CMPK2: variants seen among roughly 807,000 people sequenced by gnomAD.
CMPK2 encodes UMP-CMP kinase 2, mitochondrial.
Under a neutral mutation model 33.4 loss-of-function variants are expected in CMPK2, and 32 were observed. The observed-to-expected ratio is 0.96, with a 90% CI of 0.72 to 1.29. The LOEUF is 1.29. Ranked by LOEUF, CMPK2 falls within the 50% of genes most tolerant of loss-of-function variation. The pLI is 0.00. For synonymous variants in CMPK2, 299 were observed against 275.3 expected (o/e 1.09, Z -0.85); for missense variants, 672 against 616.0 (o/e 1.09, Z -0.96).
downstream of CMPK2, among the ~76,000 whole-genome samples, chr2:6,844,004 G>A (rs1395272225): frequency 2.0e-5 from 3 of 152,186 alleles, no homozygotes; most frequent in African/African-American, 7.2e-5. Flanking sequence ...TGGGAGACTG[G>A]CTCTGGACCT....
Position 6,848,462 on chromosome 2 carries a change from A to G in CMPK2, c.*1388T>C, listed in dbSNP as rs1011394602. Reference sequence around the variant, plus strand: ...AATACAGCTAGATACCACATTGCAAAGAACCCTAATGCTATTTATCAGCTT... The same window carrying G: ...AATACAGCTAGATACCACATTGCAAGGAACCCTAATGCTATTTATCAGCTT... On this transcript the variant is annotated 3_prime_UTR_variant, in exon 5 of 5. Transcript: ENST00000256722. 11 of 980,470 alleles carry G rather than the reference A, an allele frequency of 1.1e-5. No individual in the cohort carries two copies. The highest frequency in any genetic ancestry group is 1.3e-5 in the Non-Finnish European group (11 of 825,390). The allele number at this position is 980,470 out of a possible 1,614,324, so 60.7% of individuals were successfully genotyped here.
Position 6,849,533 on chromosome 2 carries a change from T to C in CMPK2, c.*317A>G, listed in dbSNP as rs1362582919. The C allele has an allele frequency of 9.2e-7, 1 of 1,089,480 alleles. No individual in the cohort carries two copies. The highest frequency in any genetic ancestry group is 1.1e-6 in the Non-Finnish European group (1 of 896,126). The allele number at this position is 1,089,480 out of a possible 1,614,324, so 67.5% of individuals were successfully genotyped here. A position where few individuals can be genotyped will look rare whatever the true frequency, so the allele number is the denominator to read the frequency against. On this transcript the variant is annotated 3_prime_UTR_variant, in exon 5 of 5. Coordinates refer to ENST00000256722, the MANE Select transcript of CMPK2 (RefSeq NM_207315.4). ...TGCTGCTTCTGTACACCTGGTGCTG[T>C]CTGAGTAAGACAGGTCTTCCAGATA...
intron 4 of CMPK2, 75 bp from the exon 5 acceptor site, chr2:6,850,048 A>G: frequency 8.8e-7 from 1 of 1,131,822 alleles, no homozygotes; most frequent in Non-Finnish European, 1.3e-6. Flanking sequence ...TTTTCCTACC[A>G]TAGTATAAAT....
intron 3 of CMPK2, among the ~76,000 whole-genome samples, chr2:6,852,605 A>C (rs913854866): frequency 3.3e-5 from 5 of 152,228 alleles, no homozygotes; most frequent in Non-Finnish European, 5.9e-5. Flanking sequence ...TGCAAATCAG[A>C]ACTACTTGTT....
chr2:6,855,320 T>TCTGCCCCTGCCCCTGCCC (rs754999091), intron 3 of CMPK2, among the ~76,000 whole-genome samples: 7 of 91,958 alleles, frequency 7.6e-5, no homozygotes, highest in African/African-American at 1.7e-4. Flanking sequence ...CGCCTCTGCC[T>TCTGCCCCTGCCCCTGCCC]CTGCCCCTGC....
intron 3 of CMPK2, chr2:6,840,729 T>C (rs1662209142): frequency 1.4e-6 from 1 of 699,640 alleles, no homozygotes; most frequent in Non-Finnish European, 2.6e-6. Context: ...CAAGTCTCCT[T>C]GGTAGAACAG....
Position 6,865,017 on chromosome 2 carries a change from C to T in CMPK2, c.675+5G>A. 7.0e-7 allele frequency: 1 copy of T among 1,420,126 alleles called. No individual in the cohort carries two copies. Among genetic ancestry groups the T allele is most frequent in the Non-Finnish European group, 9.2e-7 (1 of 1,084,704 alleles). 88.0% of individuals were successfully genotyped at this position (1,420,126 alleles called of 1,614,324 possible). A position where few individuals can be genotyped will look rare whatever the true frequency, so the allele number is the denominator to read the frequency against. ...CTGGGAGCTGGAAGCGGACAGAACT[C>T]TTACCTCCTCCAAAACGGCCCGGGC... is the stretch of plus-strand genomic sequence containing the variant. On this transcript the variant is annotated splice_donor_5th_base_variant and intron_variant, in intron 1 of 4. Coordinates refer to ENST00000256722, the MANE Select transcript of CMPK2 (RefSeq NM_207315.4).
At chr2:6,846,574 T>G (rs1371798391), downstream of CMPK2, among the ~76,000 whole-genome samples, 1 of 152,174 alleles carries the variant, frequency 6.6e-6, no homozygotes, top group Non-Finnish European at 1.5e-5. Flanking sequence ...GTTGGAGACA[T>G]GATAGCCACA....
chr2:6,856,007 T>C (rs951921309), intron 3 of CMPK2, among the ~76,000 whole-genome samples: 3 of 152,194 alleles, frequency 2.0e-5, no homozygotes, highest in East Asian at 3.8e-4. Context: ...CTGGTAATAC[T>C]AATGTCAACA....
chr2:6,855,325 C>T (rs1470356431), intron 3 of CMPK2, among the ~76,000 whole-genome samples: 3 of 135,454 alleles, frequency 2.2e-5, no homozygotes, highest in Non-Finnish European at 3.4e-5. Flanking sequence ...CTGCCTCTGC[C>T]CCTGCCCCTG....
Position 6,865,442 on chromosome 2 carries a change from G to A in CMPK2, c.255C>T (p.Cys85=), listed in dbSNP as rs895350692. 3.0e-4 allele frequency: 389 copies of A among 1,281,934 alleles called. 2 individuals are homozygous for A. The African/African-American group carries it at 5.5e-3, about 18-fold the overall frequency. The allele number at this position is 1,281,934 out of a possible 1,614,324, so 79.4% of individuals were successfully genotyped here. Residue 85 remains cysteine (C), a synonymous_variant, in exon 1 of 5, where the codon TGC becomes TGT. Coordinates refer to ENST00000256722, the MANE Select transcript of CMPK2 (RefSeq NM_207315.4). ...GCCGCGCCGCCCGGACCCGGGCCCCGCAGCCGGCGTCCGGGGTCACGGGCA... is the reference window on the plus strand; with the variant it reads ...GCCGCGCCGCCCGGACCCGGGCCCCACAGCCGGCGTCCGGGGTCACGGGCA... ...LCVPVTPDAG[C]GARVRAARLH...
chr2:6,858,580 T>C (rs770222793), intron 3 of CMPK2, among the ~76,000 whole-genome samples: 1 of 152,184 alleles, frequency 6.6e-6, no homozygotes, highest in Non-Finnish European at 1.5e-5. Flanking sequence ...GTTCTCATGA[T>C]AGTGACTAAG....
rs929606662 is a variant in CMPK2 at position 6,865,380 on chromosome 2, G to C, written c.317C>G (p.Pro106Arg). 7.3e-7 allele frequency: 1 copy of C among 1,378,602 alleles called. No homozygotes were observed. The highest frequency in any genetic ancestry group is 1.5e-5 in the African/African-American group (1 of 65,684). 85.4% of individuals were successfully genotyped at this position (1,378,602 alleles called of 1,614,324 possible). ...CCTGAGCAGCTGGCACCGCTGGAAGGGGCCGCGGCGCAGCTGGTGCAGCAG... is the reference window on the plus strand; with the variant it reads ...CCTGAGCAGCTGGCACCGCTGGAAGCGGCCGCGGCGCAGCTGGTGCAGCAG... ...QRLLHQLRRGPFQRCQLLRLL... is the reference protein window; with the variant it reads ...QRLLHQLRRGRFQRCQLLRLL... The change falls in exon 1 of 5, where the codon CCC becomes CGC. Residue 106 changes from proline (P) to arginine (R), a missense_variant. Transcript: ENST00000256722.
At position 6,865,351 on chromosome 2, in the gene CMPK2, G is replaced by C. The variant is rs1351162743; in HGVS notation, c.346C>G (p.Leu116Val). The change falls in exon 1 of 5, where the codon CTC (leucine) becomes GTC (valine). Residue 116 changes from leucine to valine, a missense_variant. Physicochemically the swap from Leu to Val is conservative, Grantham distance 32. Coordinates refer to ENST00000256722, the MANE Select transcript of CMPK2 (RefSeq NM_207315.4). ...GCCTGGCCGCCCGGGCAGTAGCAGAGCAGCCTGAGCAGCTGGCACCGCTGG... is the reference window on the plus strand; with the variant it reads ...GCCTGGCCGCCCGGGCAGTAGCAGACCAGCCTGAGCAGCTGGCACCGCTGG... ...PFQRCQLLRL[L>V]CYCPGGQAGG... is the part of the protein sequence containing the mutation. 6.9e-7 allele frequency: 1 copy of C among 1,450,546 alleles called. No homozygotes were observed. The highest frequency in any genetic ancestry group is 1.4e-5 in the South Asian group (1 of 72,592). The allele number at this position is 1,450,546 out of a possible 1,614,324, so 89.9% of individuals were successfully genotyped here.
chr2:6,850,884 G>A (rs1023371648), intron 4 of CMPK2: 6 of 991,596 alleles, frequency 6.1e-6, no homozygotes, highest in East Asian at 1.1e-4. Flanking sequence ...TTCTGCAGTC[G>A]TGTTTATAAC....
intron 3 of CMPK2, among the ~76,000 whole-genome samples, chr2:6,843,248 C>A (rs879925606): frequency 2.0e-5 from 3 of 152,108 alleles, no homozygotes; most frequent in Non-Finnish European, 4.4e-5. Flanking sequence ...ACACTGTGAA[C>A]CATTTATTTC....
At position 6,861,323 on chromosome 2, in the gene CMPK2, G is replaced by T. The variant is rs1474425992; in HGVS notation, c.853C>A (p.Pro285Thr). 1 of 1,614,114 alleles carries T rather than the reference G, an allele frequency of 6.2e-7. No homozygotes were observed. Among genetic ancestry groups the T allele is most frequent in the South Asian group, 1.1e-5 (1 of 91,070 alleles). ...TTCCTCCACTGGCCAATGCAAGAGGGTGGTGACTTTAAGAGGACAGCCTTA... is the reference window on the plus strand; with the variant it reads ...TTCCTCCACTGGCCAATGCAAGAGGTTGGTGACTTTAAGAGGACAGCCTTA... ...SLKAVLLKSP[P>T]SCIGQWRKIF... Residue 285 changes from proline to threonine, a missense_variant, in exon 3 of 5, where the codon CCC becomes ACC. Pro to Thr is a conservative substitution (Grantham distance 38). Transcript: ENST00000256722.
At chr2:6,840,652 T>C (rs1287222510) in exon 4 of CMPK2, 1 of 702,198 alleles carries the variant, frequency 1.4e-6, no homozygotes, top group African/African-American at 1.7e-5. Context: ...GAGAGAAGGA[T>C]GGTATAAGGT....
At chr2:6,850,030 T>C in intron 4 of CMPK2, 57 bp from the exon 5 acceptor site, 1 of 1,331,440 alleles carries the variant, frequency 7.5e-7, no homozygotes, top group Middle Eastern at 1.8e-4. Context: ...CTATTTGCAT[T>C]AATGTTCTTT....
Sources: gnomAD v4.1 joint callset for allele counts (sites outside exome capture counted in the v4.1 genomes callset) on GRCh38, gnomAD v4.1.1 for gene constraint, MANE v1.5 for transcripts, NCBI Gene and HGNC (gene_info 2026-07-23, HGNC 2026-07-21) for gene names.